Variants in ABCC3 observed in about 807,000 individuals in gnomAD.
The protein encoded by ABCC3 is ATP-binding cassette sub-family C member 3.
Under a neutral mutation model 165.3 loss-of-function variants are expected in ABCC3, and 121 were observed. The observed-to-expected ratio is 0.73, with a 90% confidence interval of 0.63 to 0.85. The LOEUF (loss-of-function observed/expected upper bound fraction) is 0.85, where lower values mean the gene tolerates loss of function less well. ABCC3 is among the 40% of genes least tolerant of loss of function. The probability of loss-of-function intolerance (pLI) is 0.00; values close to 1 mark genes in which losing one functional copy is unlikely to be tolerated. For synonymous variants in ABCC3, 733 were observed against 810.1 expected (o/e 0.90, Z 1.62); for missense variants, 1,869 against 1,964.1 (o/e 0.95, Z 0.92).
chr17:50,658,229 C>T lies in ABCC3; in HGVS notation c.612+22C>T, dbSNP rs375032517. 5.1e-5 allele frequency: 82 copies of T among 1,613,924 alleles called. No individual in the cohort carries two copies. In the African/African-American group the frequency reaches 8.1e-4, roughly 16 times the overall value. On this transcript the variant is annotated intron_variant, in intron 5 of 30. Transcript: ENST00000285238. ...CCCTGTGAGTTTCCCATGGAGGGTG[C>T]GGGGGCTCCACAGCTGAGTCCTCAG...
intron 1 of ABCC3, among the ~76,000 whole-genome samples, chr17:50,647,617 A>G (rs998321153): frequency 5.9e-5 from 9 of 152,238 alleles, no homozygotes; most frequent in African/African-American, 2.2e-4. Flanking sequence ...TGGAAGGAAG[A>G]TAAGGAGACA....
intron 28 of ABCC3, 61 bp downstream of exon 28, chr17:50,684,168 G>A (rs993940066): frequency 7.6e-6 from 12 of 1,574,952 alleles, no homozygotes; most frequent in South Asian, 1.2e-5. Context: ...GCCCCACCTT[G>A]TTCTGTAGCT....
chr17:50,653,758 G>GAA (rs57247095), intron 1 of ABCC3, among the ~76,000 whole-genome samples: 1,570 of 132,268 alleles, frequency 0.012, 14 homozygotes, highest in African/African-American at 0.026. Flanking sequence ...CATCTCAAAA[G>GAA]AAAAAAAAAA....
chr17:50,665,895 AGCCATCACACCTG>A (rs1967517167), intron 11 of ABCC3, among the ~76,000 whole-genome samples: 1 of 151,694 alleles, frequency 6.6e-6, no homozygotes, highest in Non-Finnish European at 1.5e-5. Context: ...TACAGGTGTG[AGCCATCACACCTG>A]GCCTATTGAA....
At chr17:50,679,998 T>C (rs1488703503) in intron 26 of ABCC3, 99 bp downstream of exon 26, 1 of 820,458 alleles carries the variant, frequency 1.2e-6, no homozygotes, top group East Asian at 2.6e-5. Context: ...CTGCCACGTA[T>C]GGGGCTCTTC....
At chr17:50,661,165 G>C (rs751384845) in intron 8 of ABCC3, 51 bp downstream of exon 8, 2 of 1,504,788 alleles carry the variant, frequency 1.3e-6, no homozygotes, top group Non-Finnish European at 9.0e-7. Flanking sequence ...AGCAGGGCTG[G>C]CTGGCTAGCC....
At chr17:50,665,132 T>G in intron 10 of ABCC3, 21 bp from the exon 11 acceptor site, 1 of 1,609,968 alleles carries the variant, frequency 6.2e-7, no homozygotes, top group Non-Finnish European at 8.5e-7. Flanking sequence ...ATGTGTCATC[T>G]ATCCACCGGT....
intron 18 of ABCC3, 106 bp from the exon 19 acceptor site, chr17:50,673,363 G>A: frequency 7.0e-7 from 1 of 1,434,624 alleles, no homozygotes; most frequent in Non-Finnish European, 9.5e-7. Flanking sequence ...GCCTGTCCAA[G>A]CTCCCTGGCA....
intron 7 of ABCC3, 93 bp from the exon 8 acceptor site, chr17:50,660,830 T>C: frequency 9.2e-7 from 1 of 1,091,366 alleles, no homozygotes. Flanking sequence ...AGCTCCTTCC[T>C]CCTCCTCACT....
chr17:50,673,962 T>C (rs1004799227), intron 19 of ABCC3, among the ~76,000 whole-genome samples: 22 of 20,726 alleles, frequency 1.1e-3, no homozygotes, highest in Non-Finnish European at 1.7e-3. Flanking sequence ...CTTTCTTTCT[T>C]TCTTTCTTTC....
In ABCC3 at chr17:50,669,255, G is replaced by A. The variant is rs1430236878; in HGVS notation, c.2053G>A (p.Val685Met). 1 of 1,614,068 alleles carries A rather than the reference G, an allele frequency of 6.2e-7. No individual in the cohort carries two copies. Among genetic ancestry groups the A allele is most frequent in the Non-Finnish European group, 8.5e-7 (1 of 1,179,990 alleles). The part of the protein sequence containing the change: ...LGEMEKLEGK[V>M]HMKGSVAYVP... ...AGAGATGGAGAAGCTAGAAGGCAAA[G>A]TGCACATGAAGGTGAGAGAGGCAGG... is the stretch of plus-strand genomic sequence containing the variant. The change falls in exon 16 of 31, where the codon GTG becomes ATG. Residue 685 changes from valine to methionine, a missense_variant. Coordinates refer to ENST00000285238, the MANE Select transcript of ABCC3 (RefSeq NM_003786.4).
intron 26 of ABCC3, among the ~76,000 whole-genome samples, chr17:50,681,560 C>G (rs1031054388): frequency 6.6e-6 from 1 of 152,108 alleles, no homozygotes; most frequent in Non-Finnish European, 1.5e-5. Flanking sequence ...AAACCCTCCC[C>G]CCTGCACTCC....
Position 50,687,796 on chromosome 17 carries a change from G to A in ABCC3, c.4475+66G>A, listed in dbSNP as rs1373011524. 2.3e-5 allele frequency: 34 copies of A among 1,474,304 alleles called. No individual in the cohort carries two copies. The East Asian group carries it at 7.3e-4, about 32-fold the overall frequency. The allele number at this position is 1,474,304 out of a possible 1,614,324, so 91.3% of individuals were successfully genotyped here. ...CCACCTGGGGCATCAGGAATGGGCAGGGCAGATTAGGGTTATCTGAACAAG... is the reference window on the plus strand; with the variant it reads ...CCACCTGGGGCATCAGGAATGGGCAAGGCAGATTAGGGTTATCTGAACAAG... On this transcript the variant is annotated intron_variant, in intron 30 of 30. Transcript: ENST00000285238.
intron 1 of ABCC3, among the ~76,000 whole-genome samples, chr17:50,652,813 G>A (rs139557713): frequency 4.7e-4 from 72 of 152,292 alleles, no homozygotes; most frequent in African/African-American, 1.7e-3. Flanking sequence ...GATCTGATTT[G>A]CTCCTGGACC....
intron 1 of ABCC3, among the ~76,000 whole-genome samples, chr17:50,636,835 GA>G (rs1425110274): frequency 6.6e-6 from 1 of 152,230 alleles, no homozygotes; most frequent in African/African-American, 2.4e-5. Flanking sequence ...TGGAATCCAA[GA>G]AAGTGGGAGC....
At chr17:50,648,491 C>T (rs1967047916) in intron 1 of ABCC3, among the ~76,000 whole-genome samples, 1 of 152,234 alleles carries the variant, frequency 6.6e-6, no homozygotes, top group African/African-American at 2.4e-5. Context: ...AGTCTGCATA[C>T]TGAAGGATAG....
rs1419286608 is a variant in ABCC3, at chr17:50,676,376, CCA to C, written c.3169_3170del (p.Gln1057ValfsTer4). 6.2e-7 allele frequency: 1 copy of C among 1,614,216 alleles called. No individual in the cohort carries two copies. Among genetic ancestry groups the C allele is most frequent in the Admixed American group, 1.7e-5 (1 of 60,020 alleles). ...QALLHNKIRS[P>X]QSFFDTTPSG... The stretch of plus-strand genomic sequence containing the variant: ...ACTGCTGCACAACAAGATACGCTCG[CCA>C]CAGTCCTTCTTTGACACCACACCAT... On this transcript the variant is annotated frameshift_variant, in exon 23 of 31. Transcript: ENST00000285238. LOFTEE classifies it high-confidence loss of function.
intron 10 of ABCC3, 82 bp downstream of exon 10, chr17:50,664,193 G>A (rs1285525344): frequency 6.4e-7 from 1 of 1,555,578 alleles, no homozygotes. Flanking sequence ...GGAACTGGGA[G>A]CATGGCACAT....
intron 1 of ABCC3, among the ~76,000 whole-genome samples, chr17:50,636,574 C>T (rs2054182019): frequency 6.6e-6 from 1 of 152,202 alleles, no homozygotes; most frequent in South Asian, 2.1e-4. Context: ...CACTTCCTTT[C>T]ACTGCCCTTT....
Sources: allele counts gnomAD v4.1 joint callset (sites outside exome capture counted in the v4.1 genomes callset), GRCh38; gene constraint gnomAD v4.1.1; transcripts MANE v1.5; gene names NCBI Gene and HGNC (gene_info 2026-07-23, HGNC 2026-07-21).